TYROBP: variants seen among roughly 807,000 people sequenced by gnomAD.
TYROBP encodes the protein TYRO protein tyrosine kinase-binding protein.
A neutral mutation model predicts 17.1 loss-of-function variants in TYROBP; 14 were observed. The ratio of observed to expected loss-of-function variants is 0.82; its 90% confidence interval spans 0.54 to 1.28. The LOEUF is 1.28. TYROBP is among the 50% of genes most tolerant of loss of function. The pLI is 0.00. For synonymous variants in TYROBP, 73 were observed against 67.4 expected (o/e 1.08, Z -0.41); for missense variants, 161 against 151.4 (o/e 1.06, Z -0.33).
chr19:35,907,439 C>G lies in TYROBP; in HGVS notation c.229+7G>C. 1 of 1,613,228 alleles carries G rather than the reference C, an allele frequency of 6.2e-7. No individual in the cohort carries two copies. ...TCCTCAGGATGTCCCCTGCTAGCCC[C>G]ACTCACCCTCCGCAGCCCCTCGCCC... On this transcript the variant is annotated splice_region_variant and intron_variant, in intron 3 of 4. Transcript: ENST00000262629.
intron 4 of TYROBP, among the ~76,000 whole-genome samples, chr19:35,906,520 C>G (rs537112972): frequency 6.6e-6 from 1 of 152,044 alleles, no homozygotes; most frequent in Admixed American, 6.5e-5. Context: ...GAAGGGTCCT[C>G]AAACCCAAAA....
intron 4 of TYROBP, 76 bp downstream of exon 4, chr19:35,907,142 G>T: frequency 6.9e-7 from 1 of 1,439,788 alleles, no homozygotes; most frequent in Non-Finnish European, 9.6e-7. Flanking sequence ...AGGTCCCTCT[G>T]ATGGCATGAA....
At chr19:35,905,552 C>G (rs1975699726) in intron 4 of TYROBP, among the ~76,000 whole-genome samples, 1 of 151,868 alleles carries the variant, frequency 6.6e-6, no homozygotes, top group South Asian at 2.1e-4. Flanking sequence ...GTGACTCATG[C>G]CTATAATCCC....
At chr19:35,907,175 C>T in intron 4 of TYROBP, 43 bp downstream of exon 4, 4 of 1,565,242 alleles carry the variant, frequency 2.6e-6, no homozygotes, top group Non-Finnish European at 3.5e-6. Flanking sequence ...GCAGATATCC[C>T]TGGCAGGAGT....
intron 4 of TYROBP, among the ~76,000 whole-genome samples, chr19:35,906,573 G>C (rs979662014): frequency 6.6e-6 from 1 of 152,000 alleles, no homozygotes; most frequent in Non-Finnish European, 1.5e-5. Context: ...CCAAGGTAGG[G>C]CTGAATGACA....
intron 4 of TYROBP, among the ~76,000 whole-genome samples, chr19:35,905,186 C>T (rs1412173428): frequency 6.6e-6 from 1 of 152,196 alleles, no homozygotes; most frequent in Non-Finnish European, 1.5e-5. Flanking sequence ...AAGGGCCCCT[C>T]GGTCTTCTGG....
chr19:35,907,571 C>T lies in TYROBP; in HGVS notation c.104G>A (p.Cys35Tyr), dbSNP rs1342520577. The T allele has an allele frequency of 1.2e-6, 2 of 1,614,028 alleles. No homozygotes were observed. The highest frequency in any genetic ancestry group is 1.7e-6 in the Non-Finnish European group (2 of 1,179,972). The change falls in exon 3 of 5, where the codon TGC becomes TAC. Residue 35 changes from cysteine (C) to tyrosine (Y), a missense_variant. By Grantham distance (194) the Cys-to-Tyr change is radical (BLOSUM62 -2). Coordinates refer to ENST00000262629, the MANE Select transcript of TYROBP (RefSeq NM_003332.4). ...CAGCACGCCCGGGCTCACCGTAGAG[C>T]AACTGCAATCTGCAGCACAGGGGTC... ...VQAQAQSDCS[C>Y]STVSPGVLAG...
At chr19:35,904,705 A>AGGCCCCTGGCAGCTTCTTCAGCCT in intron 4 of TYROBP, 71 bp from the exon 5 acceptor site, 1 of 1,455,676 alleles carries the variant, frequency 6.9e-7, no homozygotes, top group Admixed American at 1.9e-5. Context: ...GTGGCCTGCA[A>AGGCCCCTGGCAGCTTCTTCAGCCT]GGCCCCTGGC....
chr19:35,907,118 G>A, intron 4 of TYROBP, 100 bp downstream of exon 4: 1 of 1,212,482 alleles, frequency 8.2e-7, no homozygotes, highest in Non-Finnish European at 1.2e-6. Flanking sequence ...GGTGCTTTAG[G>A]CAGAGTGGCT....
Position 35,907,510 on chromosome 19 carries a change from C to T in TYROBP, c.165G>A (p.Val55=), listed in dbSNP as rs774298388. ...GIVMGDLVLT[V]LIALAVYFLG... is the part of the protein sequence containing the mutation. ...GGAAGTACACGGCCAGGGCAATGAG[C>T]ACTGTCAGCACCAGGTCTCCCATCA... Residue 55 remains valine, a synonymous_variant, in exon 3 of 5, where the codon GTG becomes GTA. Transcript: ENST00000262629. 3 of 1,613,586 alleles carry T rather than the reference C, an allele frequency of 1.9e-6. No homozygotes were observed. The African/African-American group carries it at 4.0e-5, about 22-fold the overall frequency.
At chr19:35,907,347 C>T (rs1331832967) in intron 3 of TYROBP, 83 bp from the exon 4 acceptor site, 12 of 1,605,612 alleles carry the variant, frequency 7.5e-6, no homozygotes, top group Admixed American at 1.7e-5. Context: ...TCAGCACCTC[C>T]ATTACCATCC....
Position 35,907,247 on chromosome 19 carries a change from G to GCTGTTTCC in TYROBP, c.239_246dup (p.Arg83GlyfsTer39). ...TAAGGCGACTCGGTCTCAGTGATAC[G>GCTGTTTCC]CTGTTTCCGGGTCGCTGCTGGAGGT... On this transcript the variant is annotated frameshift_variant, in exon 4 of 5. Coordinates refer to ENST00000262629, the MANE Select transcript of TYROBP (RefSeq NM_003332.4). LOFTEE classifies it high-confidence loss of function. 1 of 1,608,718 alleles carries GCTGTTTCC rather than the reference G, an allele frequency of 6.2e-7. No individual in the cohort carries two copies. Among genetic ancestry groups the GCTGTTTCC allele is most frequent in the Non-Finnish European group, 8.5e-7 (1 of 1,177,850 alleles).
chr19:35,904,458 G>A lies in TYROBP; in HGVS notation c.*111C>T. On this transcript the variant is annotated 3_prime_UTR_variant, in exon 5 of 5. Coordinates refer to ENST00000262629, the MANE Select transcript of TYROBP (RefSeq NM_003332.4). ...TATTGGGGAGCGGTCTGGTCTCTCAGGGATGGCACTCTGTGGGTCTGTATC... is the reference window on the plus strand; with the variant it reads ...TATTGGGGAGCGGTCTGGTCTCTCAAGGATGGCACTCTGTGGGTCTGTATC... 8.7e-7 allele frequency: 1 copy of A among 1,147,638 alleles called. No homozygotes were observed. Among genetic ancestry groups the A allele is most frequent in the Non-Finnish European group, 1.3e-6 (1 of 777,550 alleles). The allele number at this position is 1,147,638 out of a possible 1,614,324, so 71.1% of individuals were successfully genotyped here. A position where few individuals can be genotyped will look rare whatever the true frequency, so the allele number is the denominator to read the frequency against.
chr19:35,907,516 C>T lies in TYROBP; in HGVS notation c.159G>A (p.Leu53=). Reference sequence around the variant, plus strand: ...ACACGGCCAGGGCAATGAGCACTGTCAGCACCAGGTCTCCCATCACGATCC... The same window carrying T: ...ACACGGCCAGGGCAATGAGCACTGTTAGCACCAGGTCTCCCATCACGATCC... ...LAGIVMGDLV[L]TVLIALAVYF... is the part of the protein sequence containing the mutation. Residue 53 remains leucine (L), a synonymous_variant, in exon 3 of 5, where the codon CTG becomes CTA. Transcript: ENST00000262629. 1.9e-6 allele frequency: 3 copies of T among 1,613,756 alleles called. No individual in the cohort carries two copies. Among genetic ancestry groups the T allele is most frequent in the South Asian group, 1.1e-5 (1 of 91,080 alleles).
rs140101562 is a variant in TYROBP, at chr19:35,906,045, C to T, written c.276+1173G>A. Reference sequence around the variant, plus strand: ...CTTGAGCCTGTAATCCCAAGATTTTCGGAGGCTGAGGCGGGAGGATCACTT... The same window carrying T: ...CTTGAGCCTGTAATCCCAAGATTTTTGGAGGCTGAGGCGGGAGGATCACTT... On this transcript the variant is annotated intron_variant, in intron 4 of 4. Transcript: ENST00000262629. Among the ~76,000 whole-genome samples the T allele has an allele frequency of 9.2e-3, 1,385 of 151,224 alleles. 69 individuals are homozygous for T. Among genetic ancestry groups the T allele is most frequent in the Admixed American group, 0.082 (1,243 of 15,162 alleles).
chr19:35,905,639 C>A (rs1452853697), intron 4 of TYROBP, among the ~76,000 whole-genome samples: 3 of 149,786 alleles, frequency 2.0e-5, no homozygotes, highest in African/African-American at 7.4e-5. Context: ...ATAGTGAGAA[C>A]CTATCTCTAC....
chr19:35,906,542 G>A (rs184572638), intron 4 of TYROBP, among the ~76,000 whole-genome samples: 17 of 152,094 alleles, frequency 1.1e-4, no homozygotes, highest in African/African-American at 4.1e-4. Context: ...AGAGATTCTA[G>A]GACTCCTCTC....
At position 35,907,888 on chromosome 19, in the gene TYROBP, C is replaced by A. The variant is rs1431265346; in HGVS notation, c.62-126G>T. On this transcript the variant is annotated intron_variant, in intron 1 of 4. Transcript: ENST00000262629. ...TTAGCAAGGGGGAGAGCGTGTCTGG[C>A]GGGACTCAGGGGGCTGGCGTCTGGG... 6 of 1,034,390 alleles carry A rather than the reference C, an allele frequency of 5.8e-6. No individual in the cohort carries two copies. The Admixed American group carries it at 9.9e-5, about 17-fold the overall frequency. The allele number at this position is 1,034,390 out of a possible 1,614,324, so 64.1% of individuals were successfully genotyped here.
chr19:35,907,871 G>C (rs1046341029), intron 1 of TYROBP, 109 bp from the exon 2 acceptor site: 2 of 1,189,470 alleles, frequency 1.7e-6, no homozygotes, highest in Non-Finnish European at 2.5e-6. Context: ...GGTTAGCAAG[G>C]GGGAGAGCGT....
Sources: gnomAD v4.1 joint callset for allele counts (sites outside exome capture counted in the v4.1 genomes callset) on GRCh38, gnomAD v4.1.1 for gene constraint, MANE v1.5 for transcripts, NCBI Gene and HGNC (gene_info 2026-07-23, HGNC 2026-07-21) for gene names.